The following PLS1 variants were observed in gnomAD, a reference collection of about 807,000 sequenced individuals.
The protein encoded by PLS1 is plastin-1.
In PLS1, 32 loss-of-function variants were observed where a neutral mutation model predicts 73.7. The ratio of observed to expected loss-of-function variants is 0.43; its 90% CI spans 0.33 to 0.58. The LOEUF (loss-of-function observed/expected upper bound fraction) is 0.58, where lower values mean the gene tolerates loss of function less well. Ranked by LOEUF, PLS1 falls within the 20% of genes least tolerant of loss-of-function variation. The pLI is 0.04. For missense variants in PLS1, 633 were observed against 740.5 expected (o/e 0.85, Z 1.68); for synonymous variants, 217 against 261.3 (o/e 0.83, Z 1.63).
At chr3:142,680,668 C>G (rs1560065768) in intron 6 of PLS1, among the ~76,000 whole-genome samples, 1 of 152,108 alleles carries the variant, frequency 6.6e-6, no homozygotes. Context: ...ACCACACTTT[C>G]CCCCTCAAAA....
chr3:142,647,705 T>C (rs934810306), intron 1 of PLS1, among the ~76,000 whole-genome samples: 3 of 152,172 alleles, frequency 2.0e-5, no homozygotes, highest in African/African-American at 7.2e-5. Context: ...GGTTTCGTTA[T>C]GTTGACCAGA....
intron 1 of PLS1, among the ~76,000 whole-genome samples, chr3:142,643,337 A>G (rs17552506): frequency 0.072 from 10,968 of 152,266 alleles, 594 homozygotes; most frequent in Middle Eastern, 0.17. Context: ...AGTTTTGCCC[A>G]GTGGTGTGTA....
chr3:142,607,605 A>G (rs971743320), intron 1 of PLS1, among the ~76,000 whole-genome samples: 1 of 152,240 alleles, frequency 6.6e-6, no homozygotes, highest in Non-Finnish European at 1.5e-5. Context: ...AATTAGTATG[A>G]CATGTTTGTT....
chr3:142,704,098 A>C, intron 13 of PLS1, 97 bp downstream of exon 13: 2 of 912,048 alleles, frequency 2.2e-6, no homozygotes, highest in Non-Finnish European at 3.4e-6. Flanking sequence ...TGAACACAGA[A>C]GAAATATACA....
chr3:142,627,104 T>A (rs116202366), intron 1 of PLS1, among the ~76,000 whole-genome samples: 212 of 152,346 alleles, frequency 1.4e-3, no homozygotes, highest in African/African-American at 5.0e-3. Flanking sequence ...ATAGTTCTAA[T>A]ATTTACTTCC....
At chr3:142,679,998 T>A (rs960278102) in intron 6 of PLS1, among the ~76,000 whole-genome samples, 4 of 152,142 alleles carry the variant, frequency 2.6e-5, no homozygotes, top group African/African-American at 9.7e-5. Flanking sequence ...ACATCCCTTG[T>A]AAGTTGGATT....
At chr3:142,597,462 A>C (rs773482803) in intron 1 of PLS1, 2 of 151,930 alleles carry the variant, frequency 1.3e-5, no homozygotes, top group African/African-American at 4.8e-5. Flanking sequence ...ATATATATAT[A>C]TAGAGAGAGA....
chr3:142,610,460 C>T (rs1411535866), intron 1 of PLS1, among the ~76,000 whole-genome samples: 4 of 152,116 alleles, frequency 2.6e-5, no homozygotes, highest in Non-Finnish European at 5.9e-5. Flanking sequence ...CAGCTTAAGA[C>T]TTTGTAAACC....
chr3:142,625,738 C>G (rs961113933), intron 1 of PLS1, among the ~76,000 whole-genome samples: 7 of 152,118 alleles, frequency 4.6e-5, no homozygotes, highest in Non-Finnish European at 1.0e-4. Context: ...ACTTTGGGAG[C>G]TGAGGCGGGT....
intron 1 of PLS1, among the ~76,000 whole-genome samples, chr3:142,642,179 C>T (rs1041894412): frequency 1.3e-5 from 2 of 152,060 alleles, no homozygotes; most frequent in Non-Finnish European, 2.9e-5. Context: ...ATACTTTAAA[C>T]AAAGTTGGGA....
intron 1 of PLS1, among the ~76,000 whole-genome samples, chr3:142,647,160 A>G (rs2036970001): frequency 6.6e-6 from 1 of 152,212 alleles, no homozygotes; most frequent in Non-Finnish European, 1.5e-5. Context: ...AGTCAAAAAG[A>G]CTAACGGAAA....
At chr3:142,626,895 A>G (rs952920508) in intron 1 of PLS1, among the ~76,000 whole-genome samples, 12 of 152,346 alleles carry the variant, frequency 7.9e-5, no homozygotes, top group Middle Eastern at 3.4e-3. Flanking sequence ...GAACATCACA[A>G]ATGCTGGAAG....
chr3:142,657,528 C>A (rs2037267265), intron 1 of PLS1, among the ~76,000 whole-genome samples: 1 of 152,214 alleles, frequency 6.6e-6, no homozygotes, highest in Admixed American at 6.6e-5. Flanking sequence ...CACATTGTCA[C>A]CCGAGCTGGT....
intron 2 of PLS1, among the ~76,000 whole-genome samples, chr3:142,668,606 CT>C (rs11327433): frequency 0.067 from 9,642 of 143,266 alleles, 958 homozygotes; most frequent in African/African-American, 0.22. Context: ...ATGCTTATTC[CT>C]TTTTTTTTTT....
chr3:142,653,153 C>T (rs887925179), intron 1 of PLS1, among the ~76,000 whole-genome samples: 1 of 152,184 alleles, frequency 6.6e-6, no homozygotes, highest in Non-Finnish European at 1.5e-5. Context: ...TTTGCTGCAA[C>T]GTGAATCTCT....
intron 1 of PLS1, among the ~76,000 whole-genome samples, chr3:142,612,424 T>C (rs2036140541): frequency 6.6e-6 from 1 of 152,250 alleles, no homozygotes; most frequent in Non-Finnish European, 1.5e-5. Flanking sequence ...TGAAAGTGCT[T>C]TGTGACCTGC....
intron 1 of PLS1, among the ~76,000 whole-genome samples, chr3:142,655,758 A>G (rs181738024): frequency 6.7e-6 from 1 of 150,260 alleles, no homozygotes; most frequent in East Asian, 2.0e-4. Flanking sequence ...CAAAAGAGTT[A>G]GTCAGTTTGG....
intron 1 of PLS1, among the ~76,000 whole-genome samples, chr3:142,629,330 G>A (rs1328615670): frequency 1.3e-5 from 2 of 152,084 alleles, no homozygotes; most frequent in Non-Finnish European, 2.9e-5. Flanking sequence ...CTAAGCCTGA[G>A]TAGCTGGGAT....
At chr3:142,600,916 A>ATT (rs1170933037) in intron 1 of PLS1, among the ~76,000 whole-genome samples, 7 of 14,838 alleles carry the variant, frequency 4.7e-4, no homozygotes, top group Non-Finnish European at 5.6e-4. Flanking sequence ...ATATATATAT[A>ATT]TTTTTTTTTT....
Sources: allele counts gnomAD v4.1 joint callset (sites outside exome capture counted in the v4.1 genomes callset), GRCh38; gene constraint gnomAD v4.1.1; transcripts MANE v1.5; gene names NCBI Gene and HGNC (gene_info 2026-07-23, HGNC 2026-07-21).